The following P2RY14 variants were observed in gnomAD, a reference collection of about 807,000 sequenced individuals.
P2RY14 encodes the protein purinergic receptor P2Y14, also known as P2Y purinoceptor 14.
A neutral mutation model predicts 0.9 loss-of-function variants in P2RY14; 2 were observed. The observed-to-expected ratio is 2.16, with a 90% confidence interval of 0.88 to 6.79. The LOEUF is 6.79. Among genes scored for constraint, P2RY14 ranks in the 30% most tolerant of loss-of-function variants. P2RY14 has a pLI of 0.05. For missense variants in P2RY14, 378 were observed against 400.1 expected, an observed-to-expected ratio of 0.94 and a Z score of 0.47; for synonymous variants, 158 against 147.2, an observed-to-expected ratio of 1.07 and a Z score of -0.53.
intron 1 of P2RY14, among the ~76,000 whole-genome samples, chr3:151,236,538 TGTCTAAATG>T (rs1034147545): frequency 1.3e-5 from 2 of 152,208 alleles, no homozygotes; most frequent in African/African-American, 4.8e-5. Context: ...CAGCTGCTCT[TGTCTAAATG>T]GTCCATCCTC....
Position 151,272,251 on chromosome 3 carries a change from G to C in P2RY14, c.-133+6036C>G, listed in dbSNP as rs546353625. On this transcript the variant is annotated intron_variant, in intron 1 of 2. Coordinates refer to ENST00000309170, the MANE Select transcript of P2RY14 (RefSeq NM_014879.4). ...AGAGGTAAATGTTTTTAGGACTTGG[G>C]GATAAGATTTCTCAAATAGGGTCAA... Among the ~76,000 whole-genome samples the C allele has an allele frequency of 2.0e-5, 3 of 152,226 alleles. No homozygotes were observed. The South Asian group carries it at 6.2e-4, about 32-fold the overall frequency.
intron 1 of P2RY14, among the ~76,000 whole-genome samples, chr3:151,229,139 C>G (rs1301755532): frequency 1.3e-5 from 2 of 152,094 alleles, no homozygotes; most frequent in Non-Finnish European, 2.9e-5. Flanking sequence ...ATATAAATAT[C>G]CAGAATTTTA....
At chr3:151,277,192 C>T (rs578150922) in intron 1 of P2RY14, among the ~76,000 whole-genome samples, 28 of 151,816 alleles carry the variant, frequency 1.8e-4, no homozygotes, top group African/African-American at 6.5e-4. Context: ...GTGTGAGCCA[C>T]CATGCCTGGC....
intron 1 of P2RY14, among the ~76,000 whole-genome samples, chr3:151,229,571 C>T (rs1446982592): frequency 2.0e-5 from 3 of 150,330 alleles, no homozygotes; most frequent in Admixed American, 6.7e-5. Flanking sequence ...ATCCGCCTCC[C>T]GGGTTCATGC....
intron 1 of P2RY14, among the ~76,000 whole-genome samples, chr3:151,258,176 G>T (rs1055421664): frequency 2.0e-5 from 3 of 152,136 alleles, no homozygotes; most frequent in Non-Finnish European, 2.9e-5. Context: ...TTCCGATATG[G>T]TATGAGACCA....
At chr3:151,264,643 A>G (rs541077529) in intron 1 of P2RY14, among the ~76,000 whole-genome samples, 1 of 152,316 alleles carries the variant, frequency 6.6e-6, no homozygotes, top group East Asian at 1.9e-4. Flanking sequence ...GTCATAATCA[A>G]TGCTGGGAGC....
intron 1 of P2RY14, among the ~76,000 whole-genome samples, chr3:151,259,575 T>A (rs13088531): frequency 0.23 from 35,001 of 152,070 alleles, 4,168 homozygotes; most frequent in South Asian, 0.34. Context: ...AGAATAAACT[T>A]TTCAAATACT....
In P2RY14 at chr3:151,214,195, C is replaced by T; in HGVS notation, c.122G>A (p.Gly41Glu). ...MVFIAGILLNGVSGWIFFYVP... is the reference protein window; with the variant it reads ...MVFIAGILLNEVSGWIFFYVP... ...GTAAAAGAATATCCATCCTGACACT[C>T]CATTGAGTAGGATTCCTGCAATGAA... Residue 41 changes from glycine to glutamate, a missense_variant, in exon 3 of 3, where the codon GGA (glycine) becomes GAA (glutamate). Transcript: ENST00000309170. 6.2e-7 allele frequency: 1 copy of T among 1,613,954 alleles called. No homozygotes were observed. The highest frequency in any genetic ancestry group is 8.5e-7 in the Non-Finnish European group (1 of 1,179,854).
intron 1 of P2RY14, among the ~76,000 whole-genome samples, chr3:151,262,320 G>A (rs1739062966): frequency 6.6e-6 from 1 of 152,218 alleles, no homozygotes; most frequent in South Asian, 2.1e-4. Flanking sequence ...TTCATCTCCA[G>A]TAGCATGAGT....
chr3:151,237,815 A>G (rs924409084), intron 1 of P2RY14, among the ~76,000 whole-genome samples: 1 of 152,176 alleles, frequency 6.6e-6, no homozygotes, highest in African/African-American at 2.4e-5. Flanking sequence ...AGTGATCTCA[A>G]ATGATATGGG....
At chr3:151,231,741 C>T (rs935709789) in intron 1 of P2RY14, among the ~76,000 whole-genome samples, 1 of 152,074 alleles carries the variant, frequency 6.6e-6, no homozygotes, top group Non-Finnish European at 1.5e-5. Flanking sequence ...TTGTATAACT[C>T]TGAATACAGA....
chr3:151,274,631 G>T (rs1047672695), intron 1 of P2RY14, among the ~76,000 whole-genome samples: 1 of 152,178 alleles, frequency 6.6e-6, no homozygotes, highest in African/African-American at 2.4e-5. Context: ...TAAGGTTAGG[G>T]ATTTGGATCT....
chr3:151,217,364 T>A (rs965772965), intron 2 of P2RY14, among the ~76,000 whole-genome samples: 1 of 152,218 alleles, frequency 6.6e-6, no homozygotes, highest in Non-Finnish European at 1.5e-5. Context: ...AGAACTCTGC[T>A]CTCAGATTCC....
intron 1 of P2RY14, among the ~76,000 whole-genome samples, chr3:151,247,284 A>G (rs1334913224): frequency 6.6e-6 from 1 of 152,100 alleles, no homozygotes; most frequent in African/African-American, 2.4e-5. Context: ...AAGGATTATA[A>G]ATCATGCTGC....
chr3:151,214,777 G>A (rs1221018671), intron 2 of P2RY14, among the ~76,000 whole-genome samples: 2 of 152,064 alleles, frequency 1.3e-5, no homozygotes, highest in Non-Finnish European at 2.9e-5. Flanking sequence ...TAAAACTCCA[G>A]AGTTCTAGGA....
intron 1 of P2RY14, among the ~76,000 whole-genome samples, chr3:151,239,194 T>C (rs1341176352): frequency 2.6e-5 from 4 of 152,242 alleles, no homozygotes; most frequent in Non-Finnish European, 5.9e-5. Context: ...ATGACCAATG[T>C]ATGATGTTAT....
rs531443713 is a variant in P2RY14, at chr3:151,273,402, A to ATTTTTT, written c.-133+4879_-133+4884dup. Among the ~76,000 whole-genome samples, 8 of 113,622 alleles carry ATTTTTT rather than the reference A, an allele frequency of 7.0e-5. No individual in the cohort carries two copies. The East Asian group carries it at 7.5e-4, about 11-fold the overall frequency. The allele number at this position is 113,622 out of a possible 152,430, so 74.5% of individuals were successfully genotyped here. A position where few individuals can be genotyped will look rare whatever the true frequency, so the allele number is the denominator to read the frequency against. On this transcript the variant is annotated intron_variant, in intron 1 of 2. Transcript: ENST00000309170. ...ACCACCATGCCCGGCTAATTTTTGT[A>ATTTTTT]TTTTTTTTTTTTTTTTTTTTAGTAG...
At chr3:151,265,508 C>T (rs145529543) in intron 1 of P2RY14, among the ~76,000 whole-genome samples, 130 of 152,224 alleles carry the variant, frequency 8.5e-4, no homozygotes, top group African/African-American at 2.7e-3. Context: ...GCCCACTTGC[C>T]GGTCACTGCC....
chr3:151,218,918 A>G (rs1559892914), intron 2 of P2RY14, among the ~76,000 whole-genome samples: 1 of 148,240 alleles, frequency 6.7e-6, no homozygotes, highest in Non-Finnish European at 1.5e-5. Flanking sequence ...ATACTGTAAT[A>G]GTGTAAGTCT....
Sources: gnomAD v4.1 joint callset for allele counts (sites outside exome capture counted in the v4.1 genomes callset) on GRCh38, gnomAD v4.1.1 for gene constraint, MANE v1.5 for transcripts, NCBI Gene and HGNC (gene_info 2026-07-23, HGNC 2026-07-21) for gene names.